PTPRN2: variants seen among roughly 807,000 people sequenced by gnomAD.
PTPRN2 encodes the protein protein tyrosine phosphatase receptor type N2.
In PTPRN2, 74 loss-of-function variants were observed where a neutral mutation model predicts 118.8. The ratio of observed to expected loss-of-function variants is 0.62; its 90% CI spans 0.52 to 0.76. The LOEUF (loss-of-function observed/expected upper bound fraction) is 0.76, where lower values mean the gene tolerates loss of function less well. Among genes scored for constraint, PTPRN2 ranks in the 30% least tolerant of loss-of-function variants. PTPRN2 has a pLI of 0.00. For synonymous variants in PTPRN2, 641 were observed against 608.0 expected (o/e 1.05, Z -0.80); for missense variants, 1,481 against 1,394.4 (o/e 1.06, Z -0.99).
chr7:158,080,051 C>CA (rs1384691447), intron 11 of PTPRN2, among the ~76,000 whole-genome samples: 1 of 152,068 alleles, frequency 6.6e-6, no homozygotes, highest in Non-Finnish European at 1.5e-5. Context: ...CCACCTTGAG[C>CA]AAAGGAGTTA....
chr7:158,511,729 T>C (rs937418894), intron 1 of PTPRN2, among the ~76,000 whole-genome samples: 5 of 152,202 alleles, frequency 3.3e-5, no homozygotes, highest in African/African-American at 1.2e-4. Context: ...GGAGGCAGCA[T>C]GCTCACAGCT....
At chr7:158,157,144 G>T (rs1821898632) in intron 6 of PTPRN2, among the ~76,000 whole-genome samples, 1 of 151,596 alleles carries the variant, frequency 6.6e-6, no homozygotes, top group Non-Finnish European at 1.5e-5. Context: ...GCTCTGGAAG[G>T]CCTCCCCATT....
At chr7:158,568,235 A>C (rs993514640) in intron 1 of PTPRN2, among the ~76,000 whole-genome samples, 5 of 152,174 alleles carry the variant, frequency 3.3e-5, no homozygotes, top group African/African-American at 1.2e-4. Flanking sequence ...CCTGGGCAAG[A>C]GTGAGACTCT....
chr7:157,598,381 C>T lies in PTPRN2; in HGVS notation c.2419-3066G>A, dbSNP rs1045448167. On this transcript the variant is annotated intron_variant, in intron 16 of 22. Transcript: ENST00000389418. The surrounding 1 kb of genome is among the most constrained non-coding windows in gnomAD (Gnocchi z 5.2). ...TGTCATATCTCCAGGCCTCAGTCTC[C>T]GTATCTGTATGGTGGGTGAGCTCAG... is the stretch of plus-strand genomic sequence containing the variant. 6.6e-6 allele frequency among the ~76,000 whole-genome samples: 1 copy of T among 152,144 alleles called. No homozygotes were observed. The highest frequency in any genetic ancestry group is 1.5e-5 in the Non-Finnish European group (1 of 68,048).
chr7:157,694,760 TTC>T (rs1031228573), intron 12 of PTPRN2, among the ~76,000 whole-genome samples: 1 of 147,612 alleles, frequency 6.8e-6, no homozygotes. Context: ...TGAGGATTTT[TTC>T]TTTTTTCTTT....
chr7:158,337,654 C>G, intron 2 of PTPRN2, among the ~76,000 whole-genome samples: 1 of 150,084 alleles, frequency 6.7e-6, no homozygotes, highest in Non-Finnish European at 1.5e-5. Context: ...CCCACACTCT[C>G]ACCATAATTG....
chr7:158,342,972 T>G (rs1807176651), intron 2 of PTPRN2, among the ~76,000 whole-genome samples: 1 of 152,198 alleles, frequency 6.6e-6, no homozygotes, highest in African/African-American at 2.4e-5. Flanking sequence ...CACATGCCGA[T>G]GACCAGCTCT....
At chr7:157,967,274 C>A (rs957140243) in intron 11 of PTPRN2, among the ~76,000 whole-genome samples, 1 of 152,224 alleles carries the variant, frequency 6.6e-6, no homozygotes, top group African/African-American at 2.4e-5. Context: ...TGTGCCACTG[C>A]ACTCCAGCCT....
chr7:157,598,680 G>C lies in PTPRN2; in HGVS notation c.2419-3365C>G, dbSNP rs1160965089. Among the ~76,000 whole-genome samples, 1 of 152,232 alleles carries C rather than the reference G, an allele frequency of 6.6e-6. No individual in the cohort carries two copies. The highest frequency in any genetic ancestry group is 1.9e-4 in the East Asian group (1 of 5,196). ...ATCCCGAAACTGTCCGTGAAAACCT[G>C]TAAATTTATTAGGTGAACGCCAAGC... On this transcript the variant is annotated intron_variant, in intron 16 of 22. Transcript: ENST00000389418. This position sits in a 1 kb window ranked among gnomAD's most constrained non-coding sequence, Gnocchi z 5.2.
chr7:158,478,407 C>T (rs745880389), intron 2 of PTPRN2, among the ~76,000 whole-genome samples: 9 of 152,208 alleles, frequency 5.9e-5, no homozygotes, highest in Non-Finnish European at 1.2e-4. Context: ...GAGCAATGGA[C>T]GCCACTGGGG....
At chr7:157,909,956 A>G (rs1003460318) in intron 11 of PTPRN2, among the ~76,000 whole-genome samples, 1 of 152,208 alleles carries the variant, frequency 6.6e-6, no homozygotes, top group African/African-American at 2.4e-5. Context: ...AAGCATTACT[A>G]TCTCTAGGAT....
Position 158,570,087 on chromosome 7 carries a change from C to A in PTPRN2, c.112+17471G>T, listed in dbSNP as rs1189642566. The stretch of plus-strand genomic sequence containing the variant: ...CCCGTTTCCCCCAGGCAGGGGGAAG[C>A]CCCGAGAAGCCGCCGCGCCGGGCTG... On this transcript the variant is annotated intron_variant, in intron 1 of 22. Transcript: ENST00000389418. This position sits in a 1 kb window ranked among gnomAD's most constrained non-coding sequence, Gnocchi z 4.5. 6.6e-6 allele frequency among the ~76,000 whole-genome samples: 1 copy of A among 152,154 alleles called. No homozygotes were observed. The highest frequency in any genetic ancestry group is 2.4e-5 in the African/African-American group (1 of 41,472).
intron 3 of PTPRN2, among the ~76,000 whole-genome samples, chr7:158,313,724 T>C (rs1802063864): frequency 6.6e-6 from 1 of 152,222 alleles, no homozygotes; most frequent in East Asian, 1.9e-4. Context: ...CAATATTAAT[T>C]TTCTCTGAGA....
intron 3 of PTPRN2, among the ~76,000 whole-genome samples, chr7:158,230,550 A>AT (rs1295553368): frequency 6.6e-6 from 1 of 151,928 alleles, no homozygotes; most frequent in Non-Finnish European, 1.5e-5. Context: ...GTTTTTTTTC[A>AT]TTTTTTTCTT....
At position 158,081,310 on chromosome 7, in the gene PTPRN2, C is replaced by T. The variant is rs1812819798; in HGVS notation, c.1711G>A (p.Glu571Lys). The T allele has an allele frequency of 8.7e-6, 14 of 1,613,950 alleles. No individual in the cohort carries two copies. The highest frequency in any genetic ancestry group is 2.7e-5 in the African/African-American group (2 of 74,910). The change falls in exon 11 of 23, where the codon GAG becomes AAG. Residue 571 changes from glutamate (E) to lysine (K), a missense_variant. Coordinates refer to ENST00000389418, the MANE Select transcript of PTPRN2 (RefSeq NM_002847.5). Reference sequence around the variant, plus strand: ...GAAACAGCCTCACCTGTGGCCTTCTCCACATCCTCAGTGGTCACGTTTTGG... The same window carrying T: ...GAAACAGCCTCACCTGTGGCCTTCTTCACATCCTCAGTGGTCACGTTTTGG... ...NVQNVTTEDV[E>K]KATVDNKDKL... is the part of the protein sequence containing the mutation.
At chr7:158,291,268 T>C (rs1800104642) in intron 3 of PTPRN2, among the ~76,000 whole-genome samples, 1 of 152,206 alleles carries the variant, frequency 6.6e-6, no homozygotes, top group South Asian at 2.1e-4. Context: ...TCAAGATGTC[T>C]AATCATTTTC....
chr7:157,729,320 G>A lies in PTPRN2; in HGVS notation c.1789-46383C>T, dbSNP rs1375341037. ...GAACCCATGAGCTGTCTTGAGCACA[G>A]TGGCTGGAGTCTGTGCGGTGGCTGG... On this transcript the variant is annotated intron_variant, in intron 12 of 22. Transcript: ENST00000389418. The surrounding 1 kb of genome is among the most constrained non-coding windows in gnomAD (Gnocchi z 4.3). Among the ~76,000 whole-genome samples, 1 of 152,188 alleles carries A rather than the reference G, an allele frequency of 6.6e-6. No individual in the cohort carries two copies. The highest frequency in any genetic ancestry group is 1.5e-5 in the Non-Finnish European group (1 of 68,038).
chr7:158,206,942 A>G lies in PTPRN2; in HGVS notation c.278-1669T>C, dbSNP rs1297171843. Among the ~76,000 whole-genome samples, 30 of 132,514 alleles carry G rather than the reference A, an allele frequency of 2.3e-4. 1 individual carries two copies. In the South Asian group the frequency reaches 2.3e-3, roughly 10 times the overall value. The allele number at this position is 132,514 out of a possible 152,430, so 86.9% of individuals were successfully genotyped here. A position where few individuals can be genotyped will look rare whatever the true frequency, so the allele number is the denominator to read the frequency against. On this transcript the variant is annotated intron_variant, in intron 3 of 22. Coordinates refer to ENST00000389418, the MANE Select transcript of PTPRN2 (RefSeq NM_002847.5). Reference sequence around the variant, plus strand: ...CATCTAGCATTAGGTATATCTCCCAATGCTATCCCTCCCCCCTCCCCCCAC... The same window carrying G: ...CATCTAGCATTAGGTATATCTCCCAGTGCTATCCCTCCCCCCTCCCCCCAC...
intron 2 of PTPRN2, among the ~76,000 whole-genome samples, chr7:158,450,366 T>TAC (rs1056136302): frequency 1.3e-5 from 2 of 152,324 alleles, no homozygotes; most frequent in South Asian, 2.1e-4. Context: ...CAAGGACACA[T>TAC]ACACACACAC....
Sources: gnomAD v4.1 joint callset for allele counts (sites outside exome capture counted in the v4.1 genomes callset) on GRCh38, gnomAD v4.1.1 for gene constraint, Gnocchi (gnomAD v3.1) non-coding constraint, MANE v1.5 for transcripts, NCBI Gene and HGNC (gene_info 2026-07-23, HGNC 2026-07-21) for gene names.